The following ANKS1B variants were observed in gnomAD, a reference collection of about 807,000 sequenced individuals.
ANKS1B encodes the protein ankyrin repeat and sterile alpha motif domain-containing protein 1B.
A neutral mutation model predicts 148.3 loss-of-function variants in ANKS1B; 36 were observed. That is an observed-to-expected ratio of 0.24 (90% CI 0.19 to 0.32). The LOEUF (loss-of-function observed/expected upper bound fraction) is 0.32. Among genes scored for constraint, ANKS1B ranks in the 10% least tolerant of loss-of-function variants. The pLI is 1.00. For synonymous variants in ANKS1B, 542 were observed against 560.8 expected (o/e 0.97, Z 0.47); for missense variants, 1,157 against 1,542.6 (o/e 0.75, Z 4.19).
At chr12:99,599,384 C>A (rs1597847255) in intron 9 of ANKS1B, among the ~76,000 whole-genome samples, 1 of 151,962 alleles carries the variant, frequency 6.6e-6, no homozygotes, top group Non-Finnish European at 1.5e-5. Context: ...AGCAGGTCAG[C>A]AGGGACCAGA....
At chr12:99,964,554 C>T (rs957169635) in intron 1 of ANKS1B, among the ~76,000 whole-genome samples, 6 of 152,092 alleles carry the variant, frequency 3.9e-5, no homozygotes, top group Admixed American at 2.6e-4. Flanking sequence ...CCTAGTGTGG[C>T]GTACCATAGC....
chr12:99,710,976 G>A (rs538855823), intron 8 of ANKS1B, among the ~76,000 whole-genome samples: 71 of 151,834 alleles, frequency 4.7e-4, no homozygotes, highest in African/African-American at 1.6e-3. Flanking sequence ...TATCACCCAG[G>A]CTGAAAAACC....
chr12:99,116,435 G>A (rs1398270303), intron 15 of ANKS1B, among the ~76,000 whole-genome samples: 1 of 152,136 alleles, frequency 6.6e-6, no homozygotes, highest in Non-Finnish European at 1.5e-5. Flanking sequence ...ATAGGATTGT[G>A]GTGATCATTT....
At chr12:99,081,801 C>G (rs561430084) in intron 16 of ANKS1B, among the ~76,000 whole-genome samples, 1 of 152,222 alleles carries the variant, frequency 6.6e-6, no homozygotes, top group South Asian at 2.1e-4. Context: ...TACAGGATTA[C>G]AGATATATCT....
At chr12:99,092,683 A>G (rs2054484781) in intron 15 of ANKS1B, among the ~76,000 whole-genome samples, 1 of 152,168 alleles carries the variant, frequency 6.6e-6, no homozygotes, top group South Asian at 2.1e-4. Flanking sequence ...ATGCCCTGTC[A>G]CTGTAGATGC....
At chr12:99,576,603 T>G (rs1476644052) in intron 9 of ANKS1B, among the ~76,000 whole-genome samples, 1 of 152,068 alleles carries the variant, frequency 6.6e-6, no homozygotes, top group Non-Finnish European at 1.5e-5. Flanking sequence ...CACAATTACA[T>G]GGAAATTAAA....
At chr12:99,843,989 C>A (rs2086199754) in intron 1 of ANKS1B, among the ~76,000 whole-genome samples, 1 of 152,156 alleles carries the variant, frequency 6.6e-6, no homozygotes. Flanking sequence ...ATTTGCATTT[C>A]TCTAATGATA....
At chr12:98,927,820 T>C (rs1200307375) in intron 17 of ANKS1B, among the ~76,000 whole-genome samples, 3 of 151,210 alleles carry the variant, frequency 2.0e-5, no homozygotes, top group South Asian at 2.1e-4. Context: ...AGAAAATTTA[T>C]ATGTTAAAAA....
chr12:99,767,305 G>T (rs1243254120), intron 8 of ANKS1B, among the ~76,000 whole-genome samples: 1 of 152,004 alleles, frequency 6.6e-6, no homozygotes, highest in African/African-American at 2.4e-5. Context: ...GATGCTGCTT[G>T]TGTCAAGAGA....
chr12:98,974,874 C>G (rs1395683254), intron 17 of ANKS1B, among the ~76,000 whole-genome samples: 1 of 151,126 alleles, frequency 6.6e-6, no homozygotes, highest in Non-Finnish European at 1.5e-5. Context: ...CCTTCCTTCC[C>G]TATCTCCATC....
intron 2 of ANKS1B, among the ~76,000 whole-genome samples, chr12:99,813,401 C>T (rs1001494170): frequency 2.0e-5 from 3 of 150,786 alleles, no homozygotes; most frequent in African/African-American, 7.3e-5. Flanking sequence ...TATATAATTA[C>T]AATATATAAT....
intron 8 of ANKS1B, among the ~76,000 whole-genome samples, chr12:99,759,851 CT>C (rs2061917631): frequency 1.3e-5 from 2 of 151,846 alleles, no homozygotes; most frequent in African/African-American, 2.4e-5. Flanking sequence ...TTACAATTAG[CT>C]CATAAGTGTA....
chr12:99,440,407 T>G (rs1049409632), intron 11 of ANKS1B, among the ~76,000 whole-genome samples: 2 of 151,742 alleles, frequency 1.3e-5, no homozygotes, highest in African/African-American at 4.8e-5. Flanking sequence ...ACCTAATATA[T>G]ATTTCAAAGA....
intron 9 of ANKS1B, among the ~76,000 whole-genome samples, chr12:99,639,687 C>T (rs1175476809): frequency 6.6e-6 from 1 of 152,072 alleles, no homozygotes; most frequent in Admixed American, 6.5e-5. Flanking sequence ...CCCCTTTGCT[C>T]GGCACTTCTT....
chr12:99,699,313 A>T (rs986475509), intron 8 of ANKS1B, among the ~76,000 whole-genome samples: 2 of 152,188 alleles, frequency 1.3e-5, no homozygotes, highest in Admixed American at 6.5e-5. Flanking sequence ...CCATCCATGA[A>T]TCTACCATTC....
At chr12:99,747,252 A>G (rs1421494937) in intron 8 of ANKS1B, among the ~76,000 whole-genome samples, 1 of 152,118 alleles carries the variant, frequency 6.6e-6, no homozygotes, top group East Asian at 1.9e-4. Flanking sequence ...AACATGTTTG[A>G]AACTAAACTT....
chr12:99,130,127 A>G (rs2065681317), intron 15 of ANKS1B, among the ~76,000 whole-genome samples: 1 of 152,130 alleles, frequency 6.6e-6, no homozygotes, highest in Non-Finnish European at 1.5e-5. Flanking sequence ...GCCATTTGCC[A>G]TGGTACAATG....
Position 99,812,214 on chromosome 12 carries a change from C to T in ANKS1B, c.313G>A (p.Val105Met), listed in dbSNP as rs1289979271. 6.2e-6 allele frequency: 10 copies of T among 1,612,140 alleles called. No individual in the cohort carries two copies. Among genetic ancestry groups the T allele is most frequent in the Non-Finnish European group, 8.5e-6 (10 of 1,178,688 alleles). The part of the protein sequence containing the change: ...PIHLAAWKGD[V>M]EIVKILIHHG... The stretch of plus-strand genomic sequence containing the variant: ...TGAATAAGAATCTTCACAATTTCCA[C>T]ATCTCCTTTCCAGGCAGCCAGGTGA... The change falls in exon 3 of 27, where the codon GTG (valine) becomes ATG (methionine). Residue 105 changes from valine to methionine, a missense_variant. Physicochemically the swap from Val to Met is conservative, Grantham distance 21 (BLOSUM62 1). This residue lies in a region of ANKS1B where 164 missense variants were observed against 232.6 expected (regional missense o/e 0.71). Coordinates refer to ENST00000683438, the MANE Select transcript of ANKS1B (RefSeq NM_001352186.2).
chr12:99,074,277 G>A (rs2047139217), intron 16 of ANKS1B, among the ~76,000 whole-genome samples: 2 of 151,514 alleles, frequency 1.3e-5, no homozygotes, highest in African/African-American at 4.9e-5. Context: ...AGGAGTAAAA[G>A]TGATATTTCA....
Sources: allele counts gnomAD v4.1 joint callset (sites outside exome capture counted in the v4.1 genomes callset), GRCh38; gene constraint gnomAD v4.1.1; regional missense constraint gnomAD v4.1.1; transcripts MANE v1.5; gene names NCBI Gene and HGNC (gene_info 2026-07-23, HGNC 2026-07-21).